The following RANBP2 variants were observed in gnomAD, a reference collection of about 807,000 sequenced individuals.
RANBP2 encodes RAN binding protein 2, also known as E3 SUMO-protein ligase RanBP2.
RANBP2 carries 57 observed loss-of-function variants against 303.6 expected under a neutral mutation model. The ratio of observed to expected loss-of-function variants is 0.19; its 90% CI spans 0.15 to 0.23. RANBP2 has a LOEUF of 0.23. Among genes scored for constraint, RANBP2 ranks in the 10% least tolerant of loss-of-function variants. The probability of loss-of-function intolerance (pLI) is 1.00; values close to 1 mark genes in which losing one functional copy is unlikely to be tolerated. For missense variants in RANBP2, 3,138 were observed against 3,780.8 expected, an observed-to-expected ratio of 0.83 and a Z score of 4.46; for synonymous variants, 1,167 against 1,301.5, an observed-to-expected ratio of 0.90 and a Z score of 2.23.
chr2:109,004,215 G>T, the RANBP2 span, among the ~76,000 whole-genome samples: 1 of 152,208 alleles, frequency 6.6e-6, no homozygotes, highest in African/African-American at 2.4e-5. Context: ...TTCCTGAACT[G>T]AAGGGATGAC....
rs1694033097 is a variant in RANBP2 at position 108,719,541 on chromosome 2, G to A, written c.-66G>A. On this transcript the variant is annotated 5_prime_UTR_variant, in exon 1 of 29. Coordinates refer to ENST00000283195, the MANE Select transcript of RANBP2 (RefSeq NM_006267.5). ...CTGGTTTGCAGGCGCTTTCCTCTTG[G>A]AAGTGGCGACTGCTGCGGGCCTGAG... is the stretch of plus-strand genomic sequence containing the variant. 1.9e-6 allele frequency: 3 copies of A among 1,560,102 alleles called. No homozygotes were observed. Among genetic ancestry groups the A allele is most frequent in the Non-Finnish European group, 1.7e-6 (2 of 1,153,500 alleles).
the RANBP2 span, among the ~76,000 whole-genome samples, chr2:108,905,280 G>C: frequency 5.3e-5 from 8 of 152,146 alleles, no homozygotes; most frequent in South Asian, 1.7e-3. Flanking sequence ...GAACAGAGAA[G>C]AGCTTCCTGG....
intron 17 of RANBP2, among the ~76,000 whole-genome samples, chr2:108,756,577 A>G (rs759689518): frequency 3.9e-4 from 60 of 152,206 alleles, no homozygotes; most frequent in Non-Finnish European, 6.6e-4. Flanking sequence ...TTGAATGTTA[A>G]TTCTGTGTAG....
At chr2:109,489,443 C>T in the RANBP2 span, among the ~76,000 whole-genome samples, 470 of 152,308 alleles carry the variant, frequency 3.1e-3, 2 homozygotes, top group African/African-American at 0.011. Flanking sequence ...TTGGGCCTCA[C>T]GGAAAGTCCC....
chr2:109,376,226 G>A, the RANBP2 span, among the ~76,000 whole-genome samples: 2 of 152,262 alleles, frequency 1.3e-5, no homozygotes, highest in African/African-American at 4.8e-5. Flanking sequence ...TGGGTTTGAA[G>A]GCAGGGCAGT....
chr2:109,286,194 AAAGT>A, the RANBP2 span, among the ~76,000 whole-genome samples: 1 of 152,214 alleles, frequency 6.6e-6, no homozygotes, highest in South Asian at 2.1e-4. Context: ...TTCAGTTCTT[AAAGT>A]AAGGGCCTGG....
At chr2:109,701,336 G>A in the RANBP2 span, among the ~76,000 whole-genome samples, 3 of 152,174 alleles carry the variant, frequency 2.0e-5, no homozygotes, top group Admixed American at 6.5e-5. Flanking sequence ...GGTTGGGGAC[G>A]TGCCTGTGAT....
At chr2:109,137,902 A>G in the RANBP2 span, among the ~76,000 whole-genome samples, 1 of 152,108 alleles carries the variant, frequency 6.6e-6, no homozygotes, top group Non-Finnish European at 1.5e-5. Context: ...TGAGGAAAGT[A>G]CTCCTGAGGC....
the RANBP2 span, among the ~76,000 whole-genome samples, chr2:109,666,152 C>T: frequency 6.6e-6 from 1 of 150,998 alleles, no homozygotes; most frequent in Non-Finnish European, 1.5e-5. Context: ...AAAAAAATTA[C>T]TGCAAAATAA....
chr2:109,622,369 G>T, the RANBP2 span, among the ~76,000 whole-genome samples: 19 of 152,262 alleles, frequency 1.2e-4, no homozygotes, highest in South Asian at 3.7e-3. Context: ...TGAAGTTTAT[G>T]GGGCTAGCAC....
chr2:109,135,495 G>A, the RANBP2 span, among the ~76,000 whole-genome samples: 1 of 152,236 alleles, frequency 6.6e-6, no homozygotes, highest in Non-Finnish European at 1.5e-5. Context: ...GCAGTGCCTG[G>A]CACACGTGAT....
At chr2:108,914,302 G>GA in the RANBP2 span, among the ~76,000 whole-genome samples, 2 of 151,958 alleles carry the variant, frequency 1.3e-5, no homozygotes, top group African/African-American at 4.8e-5. Flanking sequence ...TAAAAATCTG[G>GA]AAAAATAAGA....
the RANBP2 span, among the ~76,000 whole-genome samples, chr2:109,431,980 C>T: frequency 6.6e-6 from 1 of 152,202 alleles, no homozygotes; most frequent in Non-Finnish European, 1.5e-5. Context: ...TCTGAGGTCT[C>T]TTCCACCTCT....
the RANBP2 span, among the ~76,000 whole-genome samples, chr2:109,588,721 C>A: frequency 1.3e-5 from 2 of 151,436 alleles, no homozygotes; most frequent in Non-Finnish European, 2.9e-5. Context: ...AAACTCCTGA[C>A]CTCAGGTGAT....
At chr2:108,978,700 T>C in the RANBP2 span, among the ~76,000 whole-genome samples, 2 of 152,172 alleles carry the variant, frequency 1.3e-5, no homozygotes, top group Admixed American at 6.5e-5. Context: ...ACAGGTTCTG[T>C]AGTGAGGCAG....
the RANBP2 span, among the ~76,000 whole-genome samples, chr2:109,688,094 C>T: frequency 6.6e-6 from 1 of 152,086 alleles, no homozygotes; most frequent in Non-Finnish European, 1.5e-5. Context: ...ACCAGCAATG[C>T]CTGGCTGGGA....
chr2:109,342,703 C>A, the RANBP2 span, among the ~76,000 whole-genome samples: 1 of 152,190 alleles, frequency 6.6e-6, no homozygotes, highest in Non-Finnish European at 1.5e-5. Context: ...GTGTCAGGAG[C>A]ACATTCATTA....
chr2:108,763,597 C>T lies in RANBP2; in HGVS notation c.3058C>T (p.Pro1020Ser), dbSNP rs1306875283. 1 of 1,614,068 alleles carries T rather than the reference C, an allele frequency of 6.2e-7. No individual in the cohort carries two copies. The change falls in exon 20 of 29, where the codon CCA (proline) becomes TCA (serine). Residue 1020 changes from proline to serine, a missense_variant. This residue lies in a region of RANBP2 where 403 missense variants were observed against 376.7 expected (regional missense o/e 1.07). Transcript: ENST00000283195. Reference sequence around the variant, plus strand: ...GGGTGAAGGATTAAGGCCATCTTTGCCAACACAAGCACACACAACACAGCC... The same window carrying T: ...GGGTGAAGGATTAAGGCCATCTTTGTCAACACAAGCACACACAACACAGCC... ...MPGEGLRPSL[P>S]TQAHTTQPTP...
chr2:108,727,219 G>A (rs897901791), intron 1 of RANBP2, among the ~76,000 whole-genome samples: 3 of 152,184 alleles, frequency 2.0e-5, no homozygotes, highest in African/African-American at 7.2e-5. Flanking sequence ...GCCGGGCAGA[G>A]GCGCCCCTCA....
Sources: gnomAD v4.1 joint callset for allele counts (sites outside exome capture counted in the v4.1 genomes callset) on GRCh38, gnomAD v4.1.1 for gene constraint, gnomAD v4.1.1 regional missense constraint, MANE v1.5 for transcripts, NCBI Gene and HGNC (gene_info 2026-07-23, HGNC 2026-07-21) for gene names.